Variants in PTPRT observed in about 807,000 individuals in gnomAD.
PTPRT encodes receptor-type tyrosine-protein phosphatase T.
Under a neutral mutation model 176.8 loss-of-function variants are expected in PTPRT, and 56 were observed. That is an observed-to-expected ratio of 0.32 (90% CI 0.26 to 0.40). PTPRT has a LOEUF of 0.40. Among genes scored for constraint, PTPRT ranks in the 10% least tolerant of loss-of-function variants. The pLI is 1.00. For missense variants in PTPRT, 1,540 were observed against 1,908.2 expected (o/e 0.81, Z 3.60); for synonymous variants, 783 against 739.0 (o/e 1.06, Z -0.96).
At chr20:42,400,077 G>A (rs1191355220) in intron 9 of PTPRT, among the ~76,000 whole-genome samples, 2 of 152,130 alleles carry the variant, frequency 1.3e-5, no homozygotes, top group Non-Finnish European at 2.9e-5. Flanking sequence ...GTTTGACATG[G>A]TTCTCAGATG....
chr20:42,814,904 A>C (rs2077757443), intron 2 of PTPRT, among the ~76,000 whole-genome samples: 1 of 152,184 alleles, frequency 6.6e-6, no homozygotes, highest in African/African-American at 2.4e-5. Context: ...GCCTTCCATA[A>C]CAGAGGGGAA....
At position 42,885,902 on chromosome 20, in the gene PTPRT, T is replaced by C. The variant is rs2079094558; in HGVS notation, c.119A>G (p.Asn40Ser). The part of the protein sequence containing the change: ...GGCSFDEHYS[N>S]CGYSVALGTN... ...CCCTAGAGCCACACTATAACCACAG[T>C]TGCTGTAGTGCTCATCAAAGGAACA... The change falls in exon 2 of 31, where the codon AAC becomes AGC. Residue 40 changes from asparagine to serine, a missense_variant. Transcript: ENST00000373187. The C allele has an allele frequency of 1.9e-6, 3 of 1,610,442 alleles. No homozygotes were observed. Among genetic ancestry groups the C allele is most frequent in the Non-Finnish European group, 2.5e-6 (3 of 1,177,648 alleles).
chr20:43,028,465 T>C (rs914297721), intron 1 of PTPRT, among the ~76,000 whole-genome samples: 15 of 152,222 alleles, frequency 9.9e-5, no homozygotes, highest in Non-Finnish European at 4.4e-5. Context: ...TCCAATATCC[T>C]GCACTATCCT....
intron 11 of PTPRT, among the ~76,000 whole-genome samples, chr20:42,348,208 T>A (rs189527994): frequency 6.6e-6 from 1 of 152,210 alleles, no homozygotes; most frequent in East Asian, 1.9e-4. Flanking sequence ...CTGGGTGGCA[T>A]TGGTTAGTCA....
intron 9 of PTPRT, among the ~76,000 whole-genome samples, chr20:42,376,946 G>A (rs572514009): frequency 1.3e-5 from 2 of 152,244 alleles, no homozygotes; most frequent in Admixed American, 1.3e-4. Context: ...AGAGACTGAC[G>A]TTATCATATT....
At chr20:43,143,257 T>C (rs1168319257) in intron 1 of PTPRT, among the ~76,000 whole-genome samples, 1 of 152,206 alleles carries the variant, frequency 6.6e-6, no homozygotes, top group Non-Finnish European at 1.5e-5. Context: ...ATTTCTGCTA[T>C]CCCTCTCCCT....
intron 6 of PTPRT, among the ~76,000 whole-genome samples, chr20:42,734,445 C>A (rs2076507913): frequency 6.6e-6 from 1 of 152,174 alleles, no homozygotes; most frequent in Non-Finnish European, 1.5e-5. Flanking sequence ...TGCTGTTCTT[C>A]AAGGCCCACT....
chr20:43,122,477 T>A (rs1190418696), intron 1 of PTPRT, among the ~76,000 whole-genome samples: 1 of 152,156 alleles, frequency 6.6e-6, no homozygotes, highest in South Asian at 2.1e-4. Context: ...CCCTTCCAAA[T>A]CTCATGTTGA....
intron 5 of PTPRT, among the ~76,000 whole-genome samples, chr20:42,768,342 T>C (rs527914109): frequency 6.6e-6 from 1 of 152,280 alleles, no homozygotes; most frequent in South Asian, 2.1e-4. Context: ...CCCAGACTGC[T>C]TTCTCACAGC....
At chr20:42,146,203 A>T in intron 17 of PTPRT, among the ~76,000 whole-genome samples, 1 of 151,930 alleles carries the variant, frequency 6.6e-6, no homozygotes, top group East Asian at 1.9e-4. Flanking sequence ...TGTTCTCTGT[A>T]TGTGAAGGGA....
intron 1 of PTPRT, among the ~76,000 whole-genome samples, chr20:43,166,768 CA>C (rs532252473): frequency 8.4e-4 from 128 of 152,286 alleles, no homozygotes; most frequent in Middle Eastern, 3.4e-3. Flanking sequence ...TGGCAGACAT[CA>C]GAGTACAATG....
chr20:42,379,264 C>T lies in PTPRT; in HGVS notation c.1561-26979G>A, dbSNP rs548899403. Among the ~76,000 whole-genome samples the T allele has an allele frequency of 7.9e-5, 12 of 152,316 alleles. No individual in the cohort carries two copies. The South Asian group carries it at 1.0e-3, about 13-fold the overall frequency. ...CAACACCTGGTCATTACTCAAGTCC[C>T]GGGTCAAGCCCCTTTATTGCAGGAA... On this transcript the variant is annotated intron_variant, in intron 9 of 30. Coordinates refer to ENST00000373187, the MANE Select transcript of PTPRT (RefSeq NM_007050.6).
intron 7 of PTPRT, among the ~76,000 whole-genome samples, chr20:42,672,674 T>C (rs1336520347): frequency 6.6e-6 from 1 of 152,196 alleles, no homozygotes; most frequent in African/African-American, 2.4e-5. Context: ...TGGGCTGGGA[T>C]GCTGCGCTAC....
chr20:43,040,110 T>C (rs1284596301), intron 1 of PTPRT, among the ~76,000 whole-genome samples: 1 of 151,940 alleles, frequency 6.6e-6, no homozygotes, highest in African/African-American at 2.4e-5. Context: ...AAGAAAAATG[T>C]GCAGAGTATA....
chr20:42,068,280 A>G (rs1473760575), downstream of PTPRT, among the ~76,000 whole-genome samples: 1 of 152,166 alleles, frequency 6.6e-6, no homozygotes, highest in Non-Finnish European at 1.5e-5. Context: ...CCCATATATG[A>G]AATCTGAAGA....
chr20:43,101,099 A>G (rs1568785722), intron 1 of PTPRT, among the ~76,000 whole-genome samples: 1 of 152,216 alleles, frequency 6.6e-6, no homozygotes, highest in Non-Finnish European at 1.5e-5. Flanking sequence ...AATGCCACAT[A>G]AACACATGCT....
chr20:42,787,347 G>C (rs1272244029), intron 3 of PTPRT, among the ~76,000 whole-genome samples: 1 of 152,190 alleles, frequency 6.6e-6, no homozygotes, highest in Admixed American at 6.5e-5. Context: ...CCTGTCTGCA[G>C]AATACTATCT....
At position 42,096,573 on chromosome 20, in the gene PTPRT, C is replaced by T. The variant is rs543960089; in HGVS notation, c.3846+1848G>A. Among the ~76,000 whole-genome samples the T allele has an allele frequency of 9.9e-5, 15 of 152,144 alleles. No individual in the cohort carries two copies. In the South Asian group the frequency reaches 2.7e-3, roughly 27 times the overall value. ...AGCCAAGATCGCACCACTGTTACTC[C>T]AGTCGGGATGACACAGTAAGAGTCA... On this transcript the variant is annotated intron_variant, in intron 27 of 30. Coordinates refer to ENST00000373187, the MANE Select transcript of PTPRT (RefSeq NM_007050.6).
the PTPRT span, among the ~76,000 whole-genome samples, chr20:42,058,716 C>T: frequency 3.7e-4 from 56 of 152,304 alleles, 1 homozygote; most frequent in South Asian, 2.3e-3. Flanking sequence ...TTTCTCCAAA[C>T]GAATGGCCTT....
Sources: gnomAD v4.1 joint callset for allele counts (sites outside exome capture counted in the v4.1 genomes callset) on GRCh38, gnomAD v4.1.1 for gene constraint, MANE v1.5 for transcripts, NCBI Gene and HGNC (gene_info 2026-07-23, HGNC 2026-07-21) for gene names.